NPAS1: variants seen among roughly 807,000 people sequenced by gnomAD.
NPAS1 encodes the protein neuronal PAS domain-containing protein 1.
Under a neutral mutation model 49.2 loss-of-function variants are expected in NPAS1, and 29 were observed. The observed-to-expected ratio is 0.59, with a 90% CI of 0.44 to 0.80. The LOEUF (loss-of-function observed/expected upper bound fraction) is 0.80, where lower values mean the gene tolerates loss of function less well. NPAS1 is among the 30% of genes least tolerant of loss of function. NPAS1 has a pLI of 0.00. For synonymous variants in NPAS1, 408 were observed against 380.4 expected, an observed-to-expected ratio of 1.07 and a Z score of -0.84; for missense variants, 825 against 835.5, an observed-to-expected ratio of 0.99 and a Z score of 0.15.
chr19:47,045,309 C>G lies in NPAS1; in HGVS notation c.1431C>G (p.Asp477Glu). ...PGPRETKGSE[D>E]SGDEDPSSHP... ...CGAGGGAAACCAAAGGCTCCGAGGA[C>G]AGTGGCGACGAGGATCCCTCCAGCC... Residue 477 changes from aspartate (D) to glutamate (E), a missense_variant, in exon 12 of 12, where the codon GAC (aspartate) becomes GAG (glutamate). Coordinates refer to ENST00000602212, the MANE Select transcript of NPAS1 (RefSeq NM_002517.4). 6.2e-7 allele frequency: 1 copy of G among 1,614,052 alleles called. No homozygotes were observed. Among genetic ancestry groups the G allele is most frequent in the Non-Finnish European group, 8.5e-7 (1 of 1,180,020 alleles).
intron 8 of NPAS1, among the ~76,000 whole-genome samples, chr19:47,040,000 C>T (rs1269664534): frequency 6.6e-6 from 1 of 152,092 alleles, no homozygotes; most frequent in African/African-American, 2.4e-5. Flanking sequence ...CTCGCAGCTG[C>T]CCCGGGAGAG....
chr19:47,025,070 G>A lies in NPAS1; in HGVS notation c.358+3223G>A, dbSNP rs8108422. The stretch of plus-strand genomic sequence containing the variant: ...CTTATCCTCCCAAAGTGCTGGGATT[G>A]CAGGCGTGAGGCGCCGTGCCCGGCT... On this transcript the variant is annotated intron_variant, in intron 3 of 11. Coordinates refer to ENST00000602212, the MANE Select transcript of NPAS1 (RefSeq NM_002517.4). Among the ~76,000 whole-genome samples the A allele has an allele frequency of 8.0e-3, 934 of 116,426 alleles. 76 individuals carry two copies. The highest frequency in any genetic ancestry group is 0.023 in the African/African-American group (882 of 38,504). The allele number at this position is 116,426 out of a possible 152,430, so 76.4% of individuals were successfully genotyped here.
rs537500348 is a variant in NPAS1, at chr19:47,034,043, G to A, written c.522+1311G>A. 4.2e-3 allele frequency among the ~76,000 whole-genome samples: 593 copies of A among 140,830 alleles called. 2 individuals carry two copies. The highest frequency in any genetic ancestry group is 0.014 in the African/African-American group (539 of 37,860). 92.4% of individuals were successfully genotyped at this position (140,830 alleles called of 152,430 possible). ...AAAAGGGCCGGGCGCGGTGGCTCAC[G>A]CCTGTAATCCCAGCACTTTGGGAGG... On this transcript the variant is annotated intron_variant, in intron 5 of 11. Transcript: ENST00000602212.
chr19:47,025,427 C>CCT (rs1568500573), intron 3 of NPAS1, among the ~76,000 whole-genome samples: 1 of 130,858 alleles, frequency 7.6e-6, no homozygotes, highest in Non-Finnish European at 1.7e-5. Flanking sequence ...TACAGGCATG[C>CCT]GCCACCACGC....
intron 6 of NPAS1, among the ~76,000 whole-genome samples, chr19:47,037,840 T>C (rs2056974110): frequency 6.6e-6 from 1 of 152,030 alleles, no homozygotes; most frequent in African/African-American, 2.4e-5. Context: ...TTTAAGACCG[T>C]TTTGTAGGGG....
intron 3 of NPAS1, among the ~76,000 whole-genome samples, chr19:47,031,619 C>T (rs2056906392): frequency 6.6e-6 from 1 of 151,076 alleles, no homozygotes; most frequent in Non-Finnish European, 1.5e-5. Flanking sequence ...CAACCTCTGC[C>T]TCCCGGTTTC....
chr19:47,026,476 G>A (rs543893778), intron 3 of NPAS1, among the ~76,000 whole-genome samples: 60 of 152,344 alleles, frequency 3.9e-4, no homozygotes, highest in African/African-American at 1.4e-3. Context: ...GGATGAGGAC[G>A]TGGTGGTCCA....
At position 47,043,716 on chromosome 19, in the gene NPAS1, C is replaced by T. The variant is rs147818150; in HGVS notation, c.1312+812C>T. 3.1e-3 allele frequency among the ~76,000 whole-genome samples: 472 copies of T among 152,040 alleles called. 4 individuals are homozygous for T. Among genetic ancestry groups the T allele is most frequent in the Admixed American group, 5.1e-3 (78 of 15,266 alleles). On this transcript the variant is annotated intron_variant, in intron 11 of 11. Transcript: ENST00000602212. Reference sequence around the variant, plus strand: ...AGGTTGCAGTGAGCTGAGATCTCACCGCTGCACTCCAGCCTGGGTGACAGA... The same window carrying T: ...AGGTTGCAGTGAGCTGAGATCTCACTGCTGCACTCCAGCCTGGGTGACAGA...
At chr19:47,025,733 G>A (rs192870896) in intron 3 of NPAS1, among the ~76,000 whole-genome samples, 3 of 151,850 alleles carry the variant, frequency 2.0e-5, no homozygotes, top group Admixed American at 1.3e-4. Flanking sequence ...ACGCCACCAC[G>A]CCTAGCTACT....
At position 47,045,451 on chromosome 19, in the gene NPAS1, C is replaced by T; in HGVS notation, c.1573C>T (p.His525Tyr). Reference protein sequence around the residue: ...PPGDPPPTLLHAGFLPPVVRG... With the variant: ...PPGDPPPTLLYAGFLPPVVRG... ...CGGGGACCCCCCGCCCACCCTCCTG[C>T]ACGCGGGCTTCCTGCCGCCGGTGGT... Residue 525 changes from histidine to tyrosine, a missense_variant, in exon 12 of 12, where the codon CAC becomes TAC. His to Tyr is a moderately conservative substitution (Grantham distance 83). Transcript: ENST00000602212. 6.3e-7 allele frequency: 1 copy of T among 1,595,670 alleles called. No homozygotes were observed. Among genetic ancestry groups the T allele is most frequent in the Non-Finnish European group, 8.5e-7 (1 of 1,173,036 alleles).
Position 47,021,983 on chromosome 19 carries a change from AG to A in NPAS1, c.358+138del. ...GCCAGGACCTTTGCGTGTCCCTATC[AG>A]GTGGCTTCTGCTCTCCAAGCCTCAG... On this transcript the variant is annotated intron_variant, in intron 3 of 11. Coordinates refer to ENST00000602212, the MANE Select transcript of NPAS1 (RefSeq NM_002517.4). The surrounding 1 kb of genome is among the most constrained non-coding windows in gnomAD (Gnocchi z 5.7). The A allele has an allele frequency of 1.9e-6, 1 of 538,500 alleles. No homozygotes were observed. The highest frequency in any genetic ancestry group is 3.1e-6 in the Non-Finnish European group (1 of 324,134). The allele number at this position is 538,500 out of a possible 1,614,324, so 33.4% of individuals were successfully genotyped here. A position where few individuals can be genotyped will look rare whatever the true frequency, so the allele number is the denominator to read the frequency against.
chr19:47,045,139 G>A, intron 11 of NPAS1, 52 bp from the exon 12 acceptor site: 1 of 1,563,654 alleles, frequency 6.4e-7, no homozygotes, highest in Non-Finnish European at 8.7e-7. Context: ...CCACAGATGG[G>A]AAGACTGAGG....
At chr19:47,038,838 A>G (rs1176125786) in intron 6 of NPAS1, among the ~76,000 whole-genome samples, 198 bp from the exon 7 acceptor site, 1 of 151,838 alleles carries the variant, frequency 6.6e-6, no homozygotes, top group Non-Finnish European at 1.5e-5. Context: ...AAAAAAAAAG[A>G]AAGGATGCGG....
At chr19:47,032,617 C>T (rs755792449) in intron 4 of NPAS1, 26 bp from the exon 5 acceptor site, 85 of 1,602,970 alleles carry the variant, frequency 5.3e-5, no homozygotes, top group Non-Finnish European at 5.0e-5. Context: ...CCTCTCCTTC[C>T]CCCTCCCTGT....
chr19:47,029,772 G>A (rs1159701141), intron 3 of NPAS1, among the ~76,000 whole-genome samples: 2 of 152,190 alleles, frequency 1.3e-5, no homozygotes, highest in Non-Finnish European at 2.9e-5. Flanking sequence ...TGTGAAGTAT[G>A]CTGCTATGAA....
rs1187970351 is a variant in NPAS1 at position 47,042,905 on chromosome 19, G to A, written c.1312+1G>A. On this transcript the variant is annotated splice_donor_variant, in intron 11 of 11. Transcript: ENST00000602212. LOFTEE classifies it high-confidence loss of function. Reference sequence around the variant, plus strand: ...TCCAGCCCGGGGCCAGAGCCCACAGGTGAGCCCCACCTCCCACCTTGGCCC... The same window carrying A: ...TCCAGCCCGGGGCCAGAGCCCACAGATGAGCCCCACCTCCCACCTTGGCCC... 6.3e-7 allele frequency: 1 copy of A among 1,588,416 alleles called. No individual in the cohort carries two copies. Among genetic ancestry groups the A allele is most frequent in the African/African-American group, 1.4e-5 (1 of 73,836 alleles).
At chr19:47,031,957 C>T (rs2056908537) in intron 3 of NPAS1, among the ~76,000 whole-genome samples, 1 of 152,084 alleles carries the variant, frequency 6.6e-6, no homozygotes, top group African/African-American at 2.4e-5. Flanking sequence ...TCCTGGTCAC[C>T]GTTGCACTCC....
chr19:47,033,975 TAAAAAAAAAAAAAAAAAAAAAAAAAAAA>T lies in NPAS1; in HGVS notation c.522+1262_522+1289del, dbSNP rs532811476. Among the ~76,000 whole-genome samples the T allele has an allele frequency of 2.6e-3, 264 of 100,842 alleles. 5 individuals carry two copies. Among genetic ancestry groups the T allele is most frequent in the African/African-American group, 9.7e-3 (247 of 25,542 alleles). The allele number at this position is 100,842 out of a possible 152,430, so 66.2% of individuals were successfully genotyped here. ...TGGACAACAAAGTGAGGCTATGCCT[TAAAAAAAAAAAAAAAAAAAAAAAAAAAA>T]AAAAAAAAAAAAAAAAAAGGGCCGG... On this transcript the variant is annotated intron_variant, in intron 5 of 11. Transcript: ENST00000602212.
chr19:47,044,313 T>C (rs2057052209), intron 11 of NPAS1, among the ~76,000 whole-genome samples: 1 of 152,184 alleles, frequency 6.6e-6, no homozygotes, highest in African/African-American at 2.4e-5. Flanking sequence ...CCTCAAGTGA[T>C]TCTCCTGCCT....
Sources: allele counts gnomAD v4.1 joint callset (sites outside exome capture counted in the v4.1 genomes callset), GRCh38; gene constraint gnomAD v4.1.1; non-coding constraint Gnocchi (gnomAD v3.1); transcripts MANE v1.5; gene names NCBI Gene and HGNC (gene_info 2026-07-23, HGNC 2026-07-21).